TBC1D1: variants seen among roughly 807,000 people sequenced by gnomAD.
TBC1D1 encodes TBC1 (tre-2/USP6, BUB2, cdc16) domain family, member 1.
Under a neutral mutation model 125.6 loss-of-function variants are expected in TBC1D1, and 89 were observed. The ratio of observed to expected loss-of-function variants is 0.71; its 90% CI spans 0.60 to 0.85. The LOEUF (loss-of-function observed/expected upper bound fraction) is 0.85. Among genes scored for constraint, TBC1D1 ranks in the 40% least tolerant of loss-of-function variants. The pLI, the probability that TBC1D1 is intolerant of heterozygous loss-of-function variation, is 0.00. For missense variants in TBC1D1, 1,377 were observed against 1,469.2 expected, an observed-to-expected ratio of 0.94 and a Z score of 1.03; for synonymous variants, 565 against 564.1, an observed-to-expected ratio of 1.00 and a Z score of -0.02.
At chr4:38,016,352 T>C (rs1742718547) in intron 3 of TBC1D1, among the ~76,000 whole-genome samples, 1 of 152,196 alleles carries the variant, frequency 6.6e-6, no homozygotes, top group South Asian at 2.1e-4. Flanking sequence ...GCAGGGATGG[T>C]GCCTGGTGCC....
intron 2 of TBC1D1, among the ~76,000 whole-genome samples, chr4:37,910,635 T>C (rs1216739864): frequency 6.6e-6 from 1 of 152,134 alleles, no homozygotes; most frequent in Non-Finnish European, 1.5e-5. Context: ...AGAATGATGG[T>C]TACCAGAGAC....
chr4:37,924,960 C>G (rs1721753685), intron 2 of TBC1D1, among the ~76,000 whole-genome samples: 1 of 152,212 alleles, frequency 6.6e-6, no homozygotes, highest in African/African-American at 2.4e-5. Flanking sequence ...TTACTATTCA[C>G]AACAACTCTA....
chr4:38,106,950 C>T (rs1197018036), intron 15 of TBC1D1, among the ~76,000 whole-genome samples: 3 of 152,088 alleles, frequency 2.0e-5, no homozygotes, highest in Non-Finnish European at 4.4e-5. Context: ...TCCTCTCCAT[C>T]CCTGCCTCTC....
intron 1 of TBC1D1, among the ~76,000 whole-genome samples, chr4:37,895,880 G>A (rs1242270931): frequency 1.3e-5 from 2 of 152,144 alleles, no homozygotes; most frequent in Non-Finnish European, 2.9e-5. Context: ...AAGGGTTGTT[G>A]CTCCCTGTGG....
intron 15 of TBC1D1, among the ~76,000 whole-genome samples, chr4:38,115,167 C>T (rs6811930): frequency 0.042 from 6,043 of 145,482 alleles, 410 homozygotes; most frequent in African/African-American, 0.15. Context: ...GTGGCATGAT[C>T]TCAGCTCACT....
intron 11 of TBC1D1, 33 bp downstream of exon 13, chr4:38,053,258 T>G: frequency 7.2e-7 from 1 of 1,394,498 alleles, no homozygotes; most frequent in South Asian, 1.8e-5. Context: ...CAAGCCTGGG[T>G]GTTACTAAGT....
chr4:37,913,243 G>A (rs1190164745), intron 2 of TBC1D1, among the ~76,000 whole-genome samples: 1 of 152,084 alleles, frequency 6.6e-6, no homozygotes, highest in African/African-American at 2.4e-5. Context: ...GGTTCCTAAG[G>A]AATGGTATGA....
chr4:38,010,356 C>T (rs1203016551), intron 2 of TBC1D1, among the ~76,000 whole-genome samples: 2 of 152,132 alleles, frequency 1.3e-5, no homozygotes, highest in African/African-American at 4.8e-5. Flanking sequence ...TCTTCTCTGC[C>T]TGCGATTCCT....
chr4:38,075,139 G>A (rs952584351), intron 12 of TBC1D1, among the ~76,000 whole-genome samples: 11 of 152,300 alleles, frequency 7.2e-5, no homozygotes, highest in African/African-American at 2.6e-4. Context: ...TAATGTTTAA[G>A]AAATTTGCTT....
At chr4:37,942,032 T>C (rs1725680149) in intron 2 of TBC1D1, among the ~76,000 whole-genome samples, 1 of 152,250 alleles carries the variant, frequency 6.6e-6, no homozygotes, top group Non-Finnish European at 1.5e-5. Context: ...TGTAGATGTC[T>C]ATTAGGTCCG....
At chr4:37,894,129 C>T (rs1014440924) in intron 1 of TBC1D1, among the ~76,000 whole-genome samples, 8 of 151,936 alleles carry the variant, frequency 5.3e-5, no homozygotes, top group South Asian at 2.1e-4. Flanking sequence ...GCTGGGACTA[C>T]AGGCGTGCTC....
chr4:37,897,442 G>A (rs953517738), intron 1 of TBC1D1, among the ~76,000 whole-genome samples: 1 of 152,168 alleles, frequency 6.6e-6, no homozygotes, highest in Non-Finnish European at 1.5e-5. Flanking sequence ...TTATTTGATA[G>A]TTTATGAACA....
intron 17 of TBC1D1, chr4:38,120,018 T>C: frequency 2.0e-6 from 2 of 985,424 alleles, no homozygotes; most frequent in Non-Finnish European, 1.2e-6. Flanking sequence ...GACTCCACTT[T>C]GGAAATGATA....
At chr4:38,133,914 A>G (rs1766028018) in intron 19 of TBC1D1, among the ~76,000 whole-genome samples, 1 of 152,134 alleles carries the variant, frequency 6.6e-6, no homozygotes, top group African/African-American at 2.4e-5. Flanking sequence ...CCCCACCCCC[A>G]CATCACCCAG....
intron 2 of TBC1D1, among the ~76,000 whole-genome samples, chr4:38,012,164 G>A (rs1220960085): frequency 1.3e-5 from 2 of 152,244 alleles, no homozygotes; most frequent in African/African-American, 2.4e-5. Flanking sequence ...GCTTAGAAGA[G>A]TGGCAAGGTT....
intron 2 of TBC1D1, among the ~76,000 whole-genome samples, chr4:37,991,101 A>C (rs1736462151): frequency 6.6e-6 from 1 of 152,210 alleles, no homozygotes; most frequent in African/African-American, 2.4e-5. Context: ...TCACAGAGTC[A>C]GCCTGCCAGA....
intron 8 of TBC1D1, among the ~76,000 whole-genome samples, chr4:38,040,295 T>G (rs998220362): frequency 6.6e-6 from 1 of 152,164 alleles, no homozygotes; most frequent in Non-Finnish European, 1.5e-5. Context: ...CTTTCTTTCT[T>G]TCTTTTTTGT....
rs1124071 is a variant in TBC1D1 at position 38,120,273 on chromosome 4, G to A, written c.2962+2081G>A. On this transcript the variant is annotated intron_variant, in intron 17 of 19. Transcript: ENST00000261439. ...GCCAAGGGCTCCTGGGATTAGAGGCGGGAAGTGGGATCTCAAGGCCGCACT... is the reference window on the plus strand; with the variant it reads ...GCCAAGGGCTCCTGGGATTAGAGGCAGGAAGTGGGATCTCAAGGCCGCACT... 7.4e-3 allele frequency among the ~76,000 whole-genome samples: 1,120 copies of A among 152,278 alleles called. 15 individuals carry two copies. Among genetic ancestry groups the A allele is most frequent in the African/African-American group, 0.025 (1,042 of 41,558 alleles).
chr4:38,104,589 A>G (rs1760943564), intron 15 of TBC1D1, among the ~76,000 whole-genome samples: 1 of 152,328 alleles, frequency 6.6e-6, no homozygotes, highest in East Asian at 1.9e-4. Context: ...AAGGCTCCAC[A>G]GAACACACAG....
Sources: gnomAD v4.1 joint callset for allele counts (sites outside exome capture counted in the v4.1 genomes callset) on GRCh38, gnomAD v4.1.1 for gene constraint, MANE v1.5 for transcripts, NCBI Gene and HGNC (gene_info 2026-07-23, HGNC 2026-07-21) for gene names.